FAM117B: variants seen among roughly 807,000 people sequenced by gnomAD.
The protein encoded by FAM117B is protein FAM117B.
In FAM117B, 22 loss-of-function variants were observed where a neutral mutation model predicts 52.8. The observed-to-expected ratio is 0.42, with a 90% CI of 0.30 to 0.59. The LOEUF (loss-of-function observed/expected upper bound fraction) is 0.59, where lower values mean the gene tolerates loss of function less well. FAM117B is among the 20% of genes least tolerant of loss of function. The pLI, the probability that FAM117B is intolerant of heterozygous loss-of-function variation, is 0.22. For synonymous variants in FAM117B, 309 were observed against 324.1 expected (o/e 0.95, Z 0.50); for missense variants, 678 against 802.6 (o/e 0.84, Z 1.88).
rs927921762 is a variant in FAM117B at position 202,635,176 on chromosome 2, AG to A, written c.-4del. The A allele has an allele frequency of 2.3e-4, 285 of 1,264,138 alleles. No homozygotes were observed. The highest frequency in any genetic ancestry group is 4.1e-4 in the African/African-American group (26 of 63,980). 78.3% of individuals were successfully genotyped at this position (1,264,138 alleles called of 1,614,324 possible). On this transcript the variant is annotated 5_prime_UTR_variant, in exon 1 of 8. Coordinates refer to ENST00000392238, the MANE Select transcript of FAM117B (RefSeq NM_173511.4). ...CCCCCGTCTCGCCCAGTCACCGGGG[AG>A]GGGGGGGACCATGTCCCAGCGGGTG...
intron 1 of FAM117B, among the ~76,000 whole-genome samples, chr2:202,682,070 G>T (rs1690470857): frequency 6.6e-6 from 1 of 152,204 alleles, no homozygotes; most frequent in Admixed American, 6.5e-5. Flanking sequence ...GAGGATTCTG[G>T]TTGGCTGGAC....
At chr2:202,659,484 A>G (rs1690097536) in intron 1 of FAM117B, among the ~76,000 whole-genome samples, 1 of 145,598 alleles carries the variant, frequency 6.9e-6, no homozygotes, top group Admixed American at 6.9e-5. Flanking sequence ...TAATTTTTGT[A>G]TTTGTTTTGT....
intron 1 of FAM117B, among the ~76,000 whole-genome samples, chr2:202,659,298 G>T (rs1386043126): frequency 6.6e-6 from 1 of 151,692 alleles, no homozygotes; most frequent in African/African-American, 2.4e-5. Flanking sequence ...GAGCCACCAC[G>T]CCTGGCCTTT....
chr2:202,714,401 G>T (rs1310102544), intron 2 of FAM117B, among the ~76,000 whole-genome samples: 2 of 152,052 alleles, frequency 1.3e-5, no homozygotes, highest in Admixed American at 6.5e-5. Context: ...ACTGAAAGTG[G>T]GGTGGTGAAG....
chr2:202,635,326 C>G lies in FAM117B; in HGVS notation c.139C>G (p.Gln47Glu). ...ATVPFQLKQQ[Q>E]QQQHGSPTRS... The stretch of plus-strand genomic sequence containing the variant: ...GGTTCCGTTCCAGCTGAAGCAGCAG[C>G]AGCAGCAGCAACATGGCAGCCCCAC... The change falls in exon 1 of 8, where the codon CAG (glutamine) becomes GAG (glutamate). Residue 47 changes from glutamine (Q) to glutamate (E), a missense_variant. Gln to Glu is a conservative substitution (Grantham distance 29). This residue lies in a region of FAM117B where 583 missense variants were observed against 644.8 expected (regional missense o/e 0.90). Transcript: ENST00000392238. The G allele has an allele frequency of 1.4e-6, 2 of 1,410,024 alleles. No individual in the cohort carries two copies. Among genetic ancestry groups the G allele is most frequent in the Non-Finnish European group, 1.9e-6 (2 of 1,080,956 alleles). 87.3% of individuals were successfully genotyped at this position (1,410,024 alleles called of 1,614,324 possible). A position where few individuals can be genotyped will look rare whatever the true frequency, so the allele number is the denominator to read the frequency against.
At chr2:202,718,667 C>A (rs1178437807) in intron 2 of FAM117B, among the ~76,000 whole-genome samples, 1 of 152,102 alleles carries the variant, frequency 6.6e-6, no homozygotes, top group Non-Finnish European at 1.5e-5. Flanking sequence ...CATTTTTTAA[C>A]CTCATTAAAA....
Position 202,769,441 on chromosome 2 carries a change from A to C in FAM117B, c.*3677A>C, listed in dbSNP as rs1559119784. 1 of 152,614 alleles carries C rather than the reference A, an allele frequency of 6.6e-6. No homozygotes were observed. Among genetic ancestry groups the C allele is most frequent in the South Asian group, 2.1e-4 (1 of 4,830 alleles). 9.5% of individuals were successfully genotyped at this position (152,614 alleles called of 1,614,324 possible). ...TGCAAAATAAAGCTAAGAATGCTTA[A>C]CTCTGCACTTTAAGTTCTACTCTGA... is the stretch of plus-strand genomic sequence containing the variant. On this transcript the variant is annotated 3_prime_UTR_variant, in exon 8 of 8. Transcript: ENST00000392238.
intron 4 of FAM117B, among the ~76,000 whole-genome samples, chr2:202,754,075 ATATGTG>A (rs1356233734): frequency 1.5e-4 from 23 of 152,218 alleles, no homozygotes; most frequent in African/African-American, 5.1e-4. Flanking sequence ...ACACATGCAC[ATATGTG>A]TTTATTGCAG....
intron 4 of FAM117B, among the ~76,000 whole-genome samples, chr2:202,735,232 T>A (rs1370509494): frequency 1.3e-5 from 2 of 152,160 alleles, no homozygotes; most frequent in Non-Finnish European, 2.9e-5. Flanking sequence ...CCAAGATAGG[T>A]TTTTATATTA....
intron 1 of FAM117B, among the ~76,000 whole-genome samples, chr2:202,690,669 A>T (rs911661855): frequency 6.6e-6 from 1 of 152,200 alleles, no homozygotes; most frequent in African/African-American, 2.4e-5. Flanking sequence ...GGCACAGTAC[A>T]TACTGGGAAC....
At chr2:202,705,254 C>T (rs553378803) in intron 2 of FAM117B, among the ~76,000 whole-genome samples, 1 of 151,094 alleles carries the variant, frequency 6.6e-6, no homozygotes, top group African/African-American at 2.4e-5. Flanking sequence ...TGCAGTGAGT[C>T]AAGATAGTAC....
At chr2:202,699,440 A>G (rs1690763273) in intron 2 of FAM117B, among the ~76,000 whole-genome samples, 12 of 128,746 alleles carry the variant, frequency 9.3e-5, no homozygotes, top group African/African-American at 2.8e-4. Flanking sequence ...AAAAAAAAAA[A>G]AAAAAAAAGA....
rs1283494303 is a variant in FAM117B at position 202,667,122 on chromosome 2, A to G, written c.602-28759A>G. ...TTAGTAAATTTTTCTTTTTTTTGAG[A>G]TGGAGTCTTGCTTTGTCGCCCAGGC... On this transcript the variant is annotated intron_variant, in intron 1 of 7. Coordinates refer to ENST00000392238, the MANE Select transcript of FAM117B (RefSeq NM_173511.4). Among the ~76,000 whole-genome samples the G allele has an allele frequency of 2.6e-5, 4 of 151,566 alleles. No individual in the cohort carries two copies. In the East Asian group the frequency reaches 5.8e-4, roughly 22 times the overall value.
chr2:202,679,029 C>G (rs1003109014), intron 1 of FAM117B, among the ~76,000 whole-genome samples: 3 of 152,270 alleles, frequency 2.0e-5, no homozygotes, highest in African/African-American at 7.2e-5. Context: ...AATTTAATAA[C>G]TCCTATAACA....
intron 6 of FAM117B, among the ~76,000 whole-genome samples, 164 bp downstream of exon 6, chr2:202,757,602 G>A (rs1165098511): frequency 6.6e-6 from 1 of 152,196 alleles, no homozygotes; most frequent in African/African-American, 2.4e-5. Flanking sequence ...TGACTGTCAT[G>A]CTCAGTTGAT....
At chr2:202,738,684 T>C (rs1691477872) in intron 4 of FAM117B, among the ~76,000 whole-genome samples, 1 of 152,242 alleles carries the variant, frequency 6.6e-6, no homozygotes, top group South Asian at 2.1e-4. Context: ...AGTTTAGTCC[T>C]GATTCTGTGA....
intron 2 of FAM117B, among the ~76,000 whole-genome samples, chr2:202,701,062 A>G (rs1690788959): frequency 6.6e-6 from 1 of 152,152 alleles, no homozygotes. Context: ...TTTCATAGCT[A>G]GAGAGAAGTC....
At chr2:202,694,549 TA>T (rs1253885693) in intron 1 of FAM117B, among the ~76,000 whole-genome samples, 1 of 152,068 alleles carries the variant, frequency 6.6e-6, no homozygotes, top group African/African-American at 2.4e-5. Context: ...GAGGAAACAT[TA>T]ATAAGTAATA....
At chr2:202,675,077 T>A (rs1690355726) in intron 1 of FAM117B, among the ~76,000 whole-genome samples, 2 of 151,284 alleles carry the variant, frequency 1.3e-5, no homozygotes, top group Admixed American at 6.6e-5. Flanking sequence ...CTACAAAAAA[T>A]TTAAAAATTA....
Sources: gnomAD v4.1 joint callset for allele counts (sites outside exome capture counted in the v4.1 genomes callset) on GRCh38, gnomAD v4.1.1 for gene constraint, gnomAD v4.1.1 regional missense constraint, MANE v1.5 for transcripts, NCBI Gene and HGNC (gene_info 2026-07-23, HGNC 2026-07-21) for gene names.